The following PKIB variants were observed in gnomAD, a reference collection of about 807,000 sequenced individuals.
The protein encoded by PKIB is cAMP-dependent protein kinase inhibitor beta.
Under a neutral mutation model 4.5 loss-of-function variants are expected in PKIB, and 2 were observed. The observed-to-expected ratio is 0.44, with a 90% CI of 0.18 to 1.39. PKIB has a LOEUF of 1.39. Ranked by LOEUF, PKIB falls within the 40% of genes most tolerant of loss-of-function variation. The pLI is 0.27. For synonymous variants in PKIB, 38 were observed against 36.0 expected (o/e 1.06, Z -0.20); for missense variants, 94 against 92.6 (o/e 1.02, Z -0.06).
chr6:122,615,476 C>G (rs1774942043), intron 1 of PKIB, among the ~76,000 whole-genome samples: 1 of 152,132 alleles, frequency 6.6e-6, no homozygotes, highest in Non-Finnish European at 1.5e-5. Context: ...AGATTCTTGG[C>G]TTGAAGTGAG....
chr6:122,528,751 G>A (rs562130636), intron 2 of PKIB, among the ~76,000 whole-genome samples: 14 of 152,164 alleles, frequency 9.2e-5, no homozygotes, highest in Admixed American at 5.2e-4. Flanking sequence ...AACTAGCTGG[G>A]CATGGTGGCA....
Position 122,675,076 on chromosome 6 carries a change from A to G in PKIB, c.-75-2A>G, listed in dbSNP as rs934143803. Reference sequence around the variant, plus strand: ...TTCATAGTTTTTTTTTTTAATTTGCAGGAAAGAAAGTTTATCAGAATTTTT... The same window carrying G: ...TTCATAGTTTTTTTTTTTAATTTGCGGGAAAGAAAGTTTATCAGAATTTTT... On this transcript the variant is annotated splice_acceptor_variant, in intron 2 of 4. Coordinates refer to ENST00000368452, the MANE Select transcript of PKIB (RefSeq NM_181795.3). LOFTEE classifies it low-confidence loss of function (5UTR_SPLICE). 1.5e-4 allele frequency: 23 copies of G among 152,174 alleles called. No homozygotes were observed. The highest frequency in any genetic ancestry group is 3.4e-3 in the Middle Eastern group (1 of 294). The allele number at this position is 152,174 out of a possible 1,614,324, so 9.4% of individuals were successfully genotyped here. A position where few individuals can be genotyped will look rare whatever the true frequency, so the allele number is the denominator to read the frequency against.
chr6:122,602,238 A>G (rs1006237588), intron 3 of PKIB, among the ~76,000 whole-genome samples: 1 of 152,186 alleles, frequency 6.6e-6, no homozygotes, highest in Non-Finnish European at 1.5e-5. Context: ...GAACCCAAAT[A>G]GTGTTTCACA....
At chr6:122,528,766 C>T (rs1777169515) in intron 2 of PKIB, among the ~76,000 whole-genome samples, 1 of 152,110 alleles carries the variant, frequency 6.6e-6, no homozygotes, top group Non-Finnish European at 1.5e-5. Flanking sequence ...GTGGCACATG[C>T]TTGTAGTCCT....
intron 2 of PKIB, among the ~76,000 whole-genome samples, chr6:122,575,137 C>T (rs1057081430): frequency 4.6e-5 from 7 of 151,896 alleles, no homozygotes; most frequent in Middle Eastern, 3.2e-3. Context: ...AGCCAACAAA[C>T]GTATGAAAAA....
intron 2 of PKIB, among the ~76,000 whole-genome samples, chr6:122,543,396 C>G (rs1247969670): frequency 1.4e-5 from 2 of 145,142 alleles, no homozygotes; most frequent in African/African-American, 2.6e-5. Context: ...CAGAGTTTCA[C>G]TCTTGTTGCC....
intron 2 of PKIB, among the ~76,000 whole-genome samples, chr6:122,661,907 T>C (rs1299790728): frequency 2.0e-5 from 3 of 152,184 alleles, no homozygotes; most frequent in Non-Finnish European, 4.4e-5. Flanking sequence ...AAAGTGGTAT[T>C]TCAACATGGT....
At chr6:122,602,023 T>C (rs80245653) in intron 3 of PKIB, among the ~76,000 whole-genome samples, 1 of 151,708 alleles carries the variant, frequency 6.6e-6, no homozygotes, top group Non-Finnish European at 1.5e-5. Context: ...TTTTTTTTTT[T>C]ATAAATACAA....
At chr6:122,683,140 TTA>T (rs1777965606) in intron 3 of PKIB, among the ~76,000 whole-genome samples, 1 of 152,226 alleles carries the variant, frequency 6.6e-6, no homozygotes, top group Admixed American at 6.5e-5. Context: ...AATTTGGCAG[TTA>T]TGGAATTCAG....
rs538044132 is a variant in PKIB, at chr6:122,633,665, G to A, written c.-76+298G>A. Among the ~76,000 whole-genome samples, 3 of 152,204 alleles carry A rather than the reference G, an allele frequency of 2.0e-5. No individual in the cohort carries two copies. The East Asian group carries it at 5.8e-4, about 29-fold the overall frequency. On this transcript the variant is annotated intron_variant, in intron 2 of 4. Coordinates refer to ENST00000368452, the MANE Select transcript of PKIB (RefSeq NM_181795.3). ...ACTCTTAGCTGTGCCTACTTAAATG[G>A]TTCTTATAGAGGCAGCTAGCCCATC...
intron 3 of PKIB, among the ~76,000 whole-genome samples, chr6:122,683,185 A>C (rs1456252894): frequency 6.6e-6 from 1 of 152,196 alleles, no homozygotes; most frequent in African/African-American, 2.4e-5. Context: ...CATTGCTATA[A>C]ATACCTGAGA....
chr6:122,655,655 A>G (rs891158151), intron 2 of PKIB, among the ~76,000 whole-genome samples: 2 of 152,236 alleles, frequency 1.3e-5, no homozygotes, highest in Non-Finnish European at 2.9e-5. Flanking sequence ...GTAACAGTCT[A>G]GTAGAGAAGA....
chr6:122,645,868 C>A (rs1484939786), intron 2 of PKIB, among the ~76,000 whole-genome samples: 1 of 152,128 alleles, frequency 6.6e-6, no homozygotes, highest in African/African-American at 2.4e-5. Context: ...GTGATGGTCA[C>A]CTTTTGAAAA....
At chr6:122,627,069 C>A (rs1775476424) in intron 1 of PKIB, among the ~76,000 whole-genome samples, 8 of 37,942 alleles carry the variant, frequency 2.1e-4, no homozygotes, top group Admixed American at 8.9e-4. Context: ...CCCGTCTCTA[C>A]TAAAAAAAAA....
At chr6:122,715,432 G>A (rs1779445943) in intron 3 of PKIB, among the ~76,000 whole-genome samples, 1 of 151,812 alleles carries the variant, frequency 6.6e-6, no homozygotes, top group Admixed American at 6.6e-5. Flanking sequence ...CAGAGTGGAG[G>A]CCAGAAAATG....
intron 3 of PKIB, among the ~76,000 whole-genome samples, chr6:122,686,941 C>T (rs1335842786): frequency 6.6e-6 from 1 of 152,070 alleles, no homozygotes; most frequent in Non-Finnish European, 1.5e-5. Context: ...TTGATTGTTT[C>T]CTTTCCTGTG....
intron 1 of PKIB, among the ~76,000 whole-genome samples, chr6:122,620,255 C>T (rs991094988): frequency 6.6e-6 from 1 of 152,212 alleles, no homozygotes; most frequent in Non-Finnish European, 1.5e-5. Flanking sequence ...CTTCTCCCAT[C>T]CTTCTTCTGT....
intron 3 of PKIB, among the ~76,000 whole-genome samples, chr6:122,691,858 G>C (rs1262393979): frequency 6.6e-6 from 1 of 152,150 alleles, no homozygotes; most frequent in African/African-American, 2.4e-5. Context: ...TCAGGTATTT[G>C]AAAGGATTTG....
chr6:122,698,547 G>A (rs575762997), intron 3 of PKIB, among the ~76,000 whole-genome samples: 8 of 152,260 alleles, frequency 5.3e-5, no homozygotes, highest in Non-Finnish European at 1.0e-4. Flanking sequence ...TACAAGGCCA[G>A]GAAAGGCAGT....
Sources: gnomAD v4.1 joint callset for allele counts (sites outside exome capture counted in the v4.1 genomes callset) on GRCh38, gnomAD v4.1.1 for gene constraint, MANE v1.5 for transcripts, NCBI Gene and HGNC (gene_info 2026-07-23, HGNC 2026-07-21) for gene names.